Variants in RBFOX1 observed in about 807,000 individuals in gnomAD.
RBFOX1 encodes RNA binding protein fox-1 homolog 1.
A neutral mutation model predicts 57.7 loss-of-function variants in RBFOX1; 8 were observed. The ratio of observed to expected loss-of-function variants is 0.14; its 90% CI spans 0.08 to 0.25. The LOEUF is 0.25. Ranked by LOEUF, RBFOX1 falls within the 10% of genes least tolerant of loss-of-function variation. The pLI, the probability that RBFOX1 is intolerant of heterozygous loss-of-function variation, is 1.00. For missense variants in RBFOX1, 611 were observed against 548.5 expected (o/e 1.11, Z -1.14); for synonymous variants, 326 against 222.4 (o/e 1.47, Z -4.15).
At chr16:7,021,672 T>C (rs2039161636) in intron 3 of RBFOX1, among the ~76,000 whole-genome samples, 1 of 149,628 alleles carries the variant, frequency 6.7e-6, no homozygotes, top group Admixed American at 6.7e-5. Context: ...CTCAGCCTAT[T>C]TGCACAGACT....
At chr16:6,450,831 A>ATGTGTG (rs2094596216) in intron 2 of RBFOX1, among the ~76,000 whole-genome samples, 1 of 34,504 alleles carries the variant, frequency 2.9e-5, no homozygotes. Context: ...ATATATATAT[A>ATGTGTG]TATATGTGTA....
chr16:5,880,745 C>G (rs914312935), intron 4 of RBFOX1, among the ~76,000 whole-genome samples: 2 of 152,132 alleles, frequency 1.3e-5, no homozygotes, highest in African/African-American at 4.8e-5. Context: ...GGGAGAACAA[C>G]AGGCCTCCTT....
At chr16:6,304,876 CAAA>C (rs58680911) in intron 1 of RBFOX1, among the ~76,000 whole-genome samples, 17 of 79,634 alleles carry the variant, frequency 2.1e-4, no homozygotes, top group Non-Finnish European at 2.0e-4. Flanking sequence ...GACCCTGTCT[CAAA>C]AAAAAAAAAA....
chr16:5,311,925 G>A (rs2064101183), intron 1 of RBFOX1, among the ~76,000 whole-genome samples: 2 of 152,162 alleles, frequency 1.3e-5, no homozygotes, highest in African/African-American at 4.8e-5. Context: ...TTACGGTGCT[G>A]TAATAATCTG....
intron 3 of RBFOX1, among the ~76,000 whole-genome samples, chr16:6,791,458 T>C (rs1008137149): frequency 1.3e-5 from 2 of 152,122 alleles, no homozygotes; most frequent in African/African-American, 2.4e-5. Context: ...AACTTCAAGA[T>C]GGCGAAAGTA....
chr16:7,596,135 ACAAAAAAAAAAAC>A (rs1568009316), intron 8 of RBFOX1, among the ~76,000 whole-genome samples: 2 of 2,728 alleles, frequency 7.3e-4, no homozygotes, highest in Non-Finnish European at 2.1e-3. Flanking sequence ...GGAAAAAAAA[ACAAAAAAAAAAAC>A]GAGAGGTTTT....
chr16:7,093,484 G>T (rs987843222), intron 4 of RBFOX1, among the ~76,000 whole-genome samples: 1 of 152,134 alleles, frequency 6.6e-6, no homozygotes, highest in Non-Finnish European at 1.5e-5. Flanking sequence ...CATTTGGAAA[G>T]GGCTAGTTTC....
chr16:7,369,040 A>T (rs552693564), intron 4 of RBFOX1, among the ~76,000 whole-genome samples: 1 of 152,156 alleles, frequency 6.6e-6, no homozygotes, highest in African/African-American at 2.4e-5. Context: ...TGGTGAAGAG[A>T]TAGCATGGTG....
chr16:6,281,898 C>G (rs573685227), intron 1 of RBFOX1, among the ~76,000 whole-genome samples: 1 of 152,046 alleles, frequency 6.6e-6, no homozygotes, highest in Non-Finnish European at 1.5e-5. Flanking sequence ...ACAAGGCTAC[C>G]CCACTGCCCG....
In RBFOX1 at chr16:7,002,609, G is replaced by T. The variant is rs531942654; in HGVS notation, c.-15-49448G>T. On this transcript the variant is annotated intron_variant, in intron 3 of 15. Transcript: ENST00000550418. ...CACATGTCATCCCAGCCACTCGGGA[G>T]GCTGAGGCAGGAGAATCGCTTGAAC... Among the ~76,000 whole-genome samples, 31 of 152,268 alleles carry T rather than the reference G, an allele frequency of 2.0e-4. No homozygotes were observed. In the South Asian group the frequency reaches 6.0e-3, roughly 30 times the overall value.
At chr16:5,932,881 G>A (rs1188143653) in intron 4 of RBFOX1, among the ~76,000 whole-genome samples, 1 of 152,070 alleles carries the variant, frequency 6.6e-6, no homozygotes, top group Non-Finnish European at 1.5e-5. Flanking sequence ...TTGTGGCATT[G>A]CCAAGCCATT....
intron 3 of RBFOX1, among the ~76,000 whole-genome samples, chr16:6,936,675 C>T (rs1369257186): frequency 6.6e-6 from 1 of 152,114 alleles, no homozygotes; most frequent in Admixed American, 6.5e-5. Flanking sequence ...AGATACAAAA[C>T]TAAGGCTGAG....
intron 1 of RBFOX1, among the ~76,000 whole-genome samples, chr16:6,067,844 T>C (rs1401817202): frequency 6.6e-6 from 1 of 152,198 alleles, no homozygotes; most frequent in Non-Finnish European, 1.5e-5. Flanking sequence ...CACTGAAAAC[T>C]CACAGACTAA....
intron 4 of RBFOX1, among the ~76,000 whole-genome samples, chr16:5,926,401 A>G (rs1288892203): frequency 6.6e-6 from 1 of 152,006 alleles, no homozygotes; most frequent in Admixed American, 6.6e-5. Context: ...ATGTGGTGAA[A>G]TTTGGAGTTG....
intron 3 of RBFOX1, among the ~76,000 whole-genome samples, chr16:5,829,873 G>T (rs1396688743): frequency 6.6e-6 from 1 of 152,240 alleles, no homozygotes; most frequent in Non-Finnish European, 1.5e-5. Context: ...AAAACAGGGG[G>T]GAAGAAAAGG....
At chr16:7,060,969 T>A (rs2054062320) in intron 4 of RBFOX1, among the ~76,000 whole-genome samples, 1 of 152,202 alleles carries the variant, frequency 6.6e-6, no homozygotes, top group Non-Finnish European at 1.5e-5. Context: ...CAGAGAACCC[T>A]CAGGATTCAG....
At chr16:7,101,842 C>A (rs1409241788) in intron 4 of RBFOX1, among the ~76,000 whole-genome samples, 1 of 152,098 alleles carries the variant, frequency 6.6e-6, no homozygotes, top group South Asian at 2.1e-4. Context: ...AGGCTCTTGT[C>A]TTTGTCTGCA....
intron 4 of RBFOX1, among the ~76,000 whole-genome samples, chr16:7,270,318 T>C (rs959332518): frequency 1.3e-5 from 2 of 152,236 alleles, no homozygotes; most frequent in African/African-American, 2.4e-5. Flanking sequence ...CTGGTTTTTA[T>C]GAAAAACCAA....
intron 5 of RBFOX1, among the ~76,000 whole-genome samples, chr16:7,568,804 G>C (rs1233677868): frequency 1.4e-5 from 2 of 146,746 alleles, no homozygotes; most frequent in Non-Finnish European, 3.0e-5. Flanking sequence ...GGAGAATGGC[G>C]TGAACCCGGG....
Sources: gnomAD v4.1 joint callset for allele counts (sites outside exome capture counted in the v4.1 genomes callset) on GRCh38, gnomAD v4.1.1 for gene constraint, MANE v1.5 for transcripts, NCBI Gene and HGNC (gene_info 2026-07-23, HGNC 2026-07-21) for gene names.